GRXCR2: variants seen among roughly 807,000 people sequenced by gnomAD.
GRXCR2 encodes glutaredoxin domain-containing cysteine-rich protein 2.
In GRXCR2, 23 loss-of-function variants were observed where a neutral mutation model predicts 24.8. That is an observed-to-expected ratio of 0.93 (90% CI 0.67 to 1.32). GRXCR2 has a LOEUF of 1.32. Ranked by LOEUF, GRXCR2 falls within the 40% of genes most tolerant of loss-of-function variation. The pLI is 0.00. For missense variants in GRXCR2, 315 were observed against 303.4 expected, an observed-to-expected ratio of 1.04 and a Z score of -0.28; for synonymous variants, 130 against 116.1, an observed-to-expected ratio of 1.12 and a Z score of -0.77.
At chr5:145,890,823 G>T (rs1395365800) in intron 2 of GRXCR2, among the ~76,000 whole-genome samples, 1 of 151,050 alleles carries the variant, frequency 6.6e-6, no homozygotes, top group African/African-American at 2.4e-5. Flanking sequence ...AGTCACAGAA[G>T]GGCAAGTTGA....
intron 1 of GRXCR2, among the ~76,000 whole-genome samples, chr5:145,871,181 T>C (rs1213075518): frequency 6.6e-6 from 1 of 152,218 alleles, no homozygotes; most frequent in Non-Finnish European, 1.5e-5. Context: ...AAGGTTTGCA[T>C]GAACTGTGAC....
rs371884371 is a variant in GRXCR2 at position 145,925,984 on chromosome 5, T to G, written c.-70+9717A>C. ...GTGTGACAAAAAAAAAACAAGATTG[T>G]GGTTACCCAATTGTCTGAGCAAACT... On this transcript the variant is annotated intron_variant, in intron 2 of 3. Transcript: ENST00000639411. Among the ~76,000 whole-genome samples, 9 of 152,172 alleles carry G rather than the reference T, an allele frequency of 5.9e-5. 1 individual carries two copies. The South Asian group carries it at 1.7e-3, about 28-fold the overall frequency.
upstream of GRXCR2, among the ~76,000 whole-genome samples, chr5:145,875,392 T>C (rs745681774): frequency 6.6e-6 from 1 of 151,928 alleles, no homozygotes; most frequent in Non-Finnish European, 1.5e-5. Flanking sequence ...CTACCAAAAA[T>C]ACAAAAATTA....
At chr5:145,931,163 C>A (rs1336794030) in intron 2 of GRXCR2, among the ~76,000 whole-genome samples, 1 of 152,174 alleles carries the variant, frequency 6.6e-6, no homozygotes, top group Non-Finnish European at 1.5e-5. Context: ...TCCCTAGTAG[C>A]TGGGACTATA....
downstream of GRXCR2, among the ~76,000 whole-genome samples, chr5:145,858,316 C>CA (rs139918161): frequency 0.043 from 5,263 of 121,244 alleles, 395 homozygotes; most frequent in African/African-American, 0.14. Context: ...CTGTCTCCCA[C>CA]AAAAAAAAAA....
At chr5:145,892,996 G>C (rs1329163052) in intron 2 of GRXCR2, among the ~76,000 whole-genome samples, 1 of 152,128 alleles carries the variant, frequency 6.6e-6, no homozygotes, top group Non-Finnish European at 1.5e-5. Context: ...TTAAAGAAAA[G>C]AATTTTCAAC....
At chr5:145,899,339 A>C (rs1268192810) in intron 2 of GRXCR2, among the ~76,000 whole-genome samples, 2 of 152,196 alleles carry the variant, frequency 1.3e-5, no homozygotes, top group African/African-American at 4.8e-5. Flanking sequence ...TGCCCAAAGC[A>C]ATCTACAGAT....
chr5:145,920,713 A>C (rs978331965), intron 2 of GRXCR2, among the ~76,000 whole-genome samples: 1 of 152,250 alleles, frequency 6.6e-6, no homozygotes, highest in Non-Finnish European at 1.5e-5. Context: ...CATGCTGAAC[A>C]TCAGTTACAG....
intron 2 of GRXCR2, among the ~76,000 whole-genome samples, chr5:145,887,224 G>T (rs1170754148): frequency 2.0e-5 from 3 of 152,170 alleles, no homozygotes; most frequent in African/African-American, 7.2e-5. Context: ...AGCCTCTTGA[G>T]GAGATGGGAC....
chr5:145,864,758 G>T (rs996985550), intron 2 of GRXCR2, among the ~76,000 whole-genome samples: 6 of 152,140 alleles, frequency 3.9e-5, no homozygotes, highest in African/African-American at 1.2e-4. Context: ...CTTTGTTTAT[G>T]TATTACTCAG....
intron 2 of GRXCR2, among the ~76,000 whole-genome samples, chr5:145,910,129 G>A (rs545749954): frequency 9.2e-5 from 14 of 152,268 alleles, no homozygotes; most frequent in South Asian, 6.2e-4. Flanking sequence ...TCTCTGTCAC[G>A]TTTGTTTTAA....
chr5:145,892,654 G>A (rs537105331), intron 2 of GRXCR2, among the ~76,000 whole-genome samples: 1 of 152,342 alleles, frequency 6.6e-6, no homozygotes, highest in South Asian at 2.1e-4. Context: ...ATCTACGTCT[G>A]ACTGGTGTAC....
chr5:145,878,436 A>G (rs1756651114), intron 2 of GRXCR2, among the ~76,000 whole-genome samples: 1 of 152,208 alleles, frequency 6.6e-6, no homozygotes, highest in Non-Finnish European at 1.5e-5. Flanking sequence ...CAAGTGGAGG[A>G]AAGGGTATCA....
At chr5:145,882,402 C>T (rs1756715914) in intron 2 of GRXCR2, among the ~76,000 whole-genome samples, 1 of 152,132 alleles carries the variant, frequency 6.6e-6, no homozygotes, top group Non-Finnish European at 1.5e-5. Flanking sequence ...TTTATGCAGC[C>T]AACAGACACA....
intron 2 of GRXCR2, among the ~76,000 whole-genome samples, chr5:145,926,716 T>C (rs1757402869): frequency 6.6e-6 from 1 of 152,198 alleles, no homozygotes; most frequent in Non-Finnish European, 1.5e-5. Flanking sequence ...TGCAGGCTCT[T>C]TTTTGGTTCC....
chr5:145,867,019 C>G lies in GRXCR2; in HGVS notation c.337-291G>C, dbSNP rs138258370. On this transcript the variant is annotated intron_variant, in intron 1 of 2. Transcript: ENST00000377976. ...AGAGCTTCTATTTGTACTGCATACC[C>G]CAACAGCCAATGCAGGGCTGGGTAC... Among the ~76,000 whole-genome samples the G allele has an allele frequency of 3.9e-3, 599 of 152,238 alleles. 4 individuals are homozygous for G. The highest frequency in any genetic ancestry group is 0.014 in the African/African-American group (585 of 41,530).
intron 2 of GRXCR2, among the ~76,000 whole-genome samples, chr5:145,923,194 G>C (rs1298035580): frequency 6.6e-6 from 1 of 152,158 alleles, no homozygotes; most frequent in Non-Finnish European, 1.5e-5. Context: ...CTGGTTTCCA[G>C]GTACACTGAT....
intron 2 of GRXCR2, among the ~76,000 whole-genome samples, chr5:145,928,004 C>G (rs555264282): frequency 6.6e-6 from 1 of 152,230 alleles, no homozygotes; most frequent in African/African-American, 2.4e-5. Context: ...ATCTACTCAT[C>G]TGACAAAGGG....
intron 2 of GRXCR2, among the ~76,000 whole-genome samples, chr5:145,906,744 G>A (rs1000604770): frequency 6.6e-6 from 1 of 152,174 alleles, no homozygotes; most frequent in South Asian, 2.1e-4. Context: ...TCCGGGCACT[G>A]GAAATAGAGT....
Sources: allele counts gnomAD v4.1 joint callset (sites outside exome capture counted in the v4.1 genomes callset), GRCh38; gene constraint gnomAD v4.1.1; transcripts MANE v1.5; gene names NCBI Gene and HGNC (gene_info 2026-07-23, HGNC 2026-07-21).